LGR6: variants seen among roughly 807,000 people sequenced by gnomAD.
The protein encoded by LGR6 is leucine-rich repeat-containing G protein-coupled receptor 6.
In LGR6, 45 loss-of-function variants were observed where a neutral mutation model predicts 69.4. That is an observed-to-expected ratio of 0.65 (90% CI 0.51 to 0.83). The LOEUF (loss-of-function observed/expected upper bound fraction) is 0.83, where lower values mean the gene tolerates loss of function less well. Ranked by LOEUF, LGR6 falls within the 40% of genes least tolerant of loss-of-function variation. The pLI, the probability that LGR6 is intolerant of heterozygous loss-of-function variation, is 0.00. For synonymous variants in LGR6, 538 were observed against 555.0 expected, an observed-to-expected ratio of 0.97 and a Z score of 0.43; for missense variants, 1,108 against 1,246.7, an observed-to-expected ratio of 0.89 and a Z score of 1.68.
In LGR6 at chr1:202,267,935, G is replaced by A. The variant is rs139601374; in HGVS notation, c.429-8371G>A. 4.3e-3 allele frequency among the ~76,000 whole-genome samples: 649 copies of A among 152,306 alleles called. 5 individuals are homozygous for A. The highest frequency in any genetic ancestry group is 0.013 in the African/African-American group (527 of 41,566). On this transcript the variant is annotated intron_variant, in intron 4 of 17. Transcript: ENST00000367278. ...TAATGAGAGGCATTTCAGGCAGTCT[G>A]ATAGGTAGTGAGGGAGGGATGTGGG...
intron 6 of LGR6, among the ~76,000 whole-genome samples, chr1:202,284,587 G>T (rs1020663348): frequency 2.0e-5 from 3 of 152,190 alleles, no homozygotes; most frequent in African/African-American, 4.8e-5. Context: ...AGAGCATGGT[G>T]AAGAACATTT....
chr1:202,296,647 C>T (rs1435372589), intron 6 of LGR6, among the ~76,000 whole-genome samples: 1 of 152,172 alleles, frequency 6.6e-6, no homozygotes, highest in Non-Finnish European at 1.5e-5. Context: ...ACAAAAGGCA[C>T]GGACACAGAA....
At chr1:202,233,764 G>C (rs1330834049) in intron 3 of LGR6, among the ~76,000 whole-genome samples, 1 of 152,172 alleles carries the variant, frequency 6.6e-6, no homozygotes, top group African/African-American at 2.4e-5. Context: ...TATTGAACTT[G>C]TCCTCTGTGT....
intron 5 of LGR6, 41 bp downstream of exon 5, chr1:202,276,562 T>C: frequency 6.8e-7 from 1 of 1,470,424 alleles, no homozygotes; most frequent in Admixed American, 1.9e-5. Context: ...GGGGTCCTGC[T>C]GGGGGCTGGG....
intron 1 of LGR6, among the ~76,000 whole-genome samples, chr1:202,199,666 C>A (rs1305203960): frequency 6.6e-6 from 1 of 151,860 alleles, no homozygotes; most frequent in East Asian, 2.0e-4. Flanking sequence ...CCACGCCCCC[C>A]GGGGGAGAGA....
At chr1:202,247,852 A>T (rs545158925) in intron 4 of LGR6, among the ~76,000 whole-genome samples, 6 of 152,306 alleles carry the variant, frequency 3.9e-5, no homozygotes, top group African/African-American at 4.8e-5. Context: ...CTCAGGCTGC[A>T]GCCAGGAAGA....
rs764536115 is a variant in LGR6, at chr1:202,306,717, TTTAA to T, written c.1137-148_1137-145del. 1.9e-5 allele frequency: 14 copies of T among 747,512 alleles called. No individual in the cohort carries two copies. In the East Asian group the frequency reaches 3.7e-4, roughly 20 times the overall value. The allele number at this position is 747,512 out of a possible 1,614,324, so 46.3% of individuals were successfully genotyped here. A position where few individuals can be genotyped will look rare whatever the true frequency, so the allele number is the denominator to read the frequency against. ...GGCAACCGGATCCCCTTGTGCTCCC[TTTAA>T]TTCTGGTGACTTCCTCGGGCTGGGC... On this transcript the variant is annotated intron_variant, in intron 12 of 17. Transcript: ENST00000367278.
intron 1 of LGR6, among the ~76,000 whole-genome samples, chr1:202,221,286 G>C (rs1186211478): frequency 6.6e-6 from 1 of 152,050 alleles, no homozygotes; most frequent in Non-Finnish European, 1.5e-5. Context: ...GCTGCTCTCT[G>C]ACCCCTCCAT....
At chr1:202,306,450 A>G (rs1160544811) in intron 12 of LGR6, among the ~76,000 whole-genome samples, 1 of 152,094 alleles carries the variant, frequency 6.6e-6, no homozygotes, top group Non-Finnish European at 1.5e-5. Context: ...TGCATGGCTG[A>G]GGCCCAGGGT....
intron 4 of LGR6, among the ~76,000 whole-genome samples, chr1:202,259,229 C>G (rs141453172): frequency 6.6e-6 from 1 of 152,158 alleles, no homozygotes; most frequent in East Asian, 1.9e-4. Context: ...AGCTTGTTTT[C>G]TGTGCTCTCT....
At position 202,314,792 on chromosome 1, in the gene LGR6, C is replaced by G. The variant is rs747411499; in HGVS notation, c.1568-10C>G. On this transcript the variant is annotated splice_polypyrimidine_tract_variant and intron_variant, in intron 16 of 17. Transcript: ENST00000367278. ...CCCAGGACCCTGCATCACTTTGTCT[C>G]TCCTTTCAGATGACCAGGACCTGGA... 1.2e-6 allele frequency: 2 copies of G among 1,611,052 alleles called. No homozygotes were observed. The highest frequency in any genetic ancestry group is 2.7e-5 in the African/African-American group (2 of 74,822).
In LGR6 at chr1:202,208,713, C is replaced by G. The variant is rs545288910; in HGVS notation, c.212+14512C>G. Among the ~76,000 whole-genome samples, 975 of 152,126 alleles carry G rather than the reference C, an allele frequency of 6.4e-3. 8 individuals carry two copies. The highest frequency in any genetic ancestry group is 0.021 in the African/African-American group (885 of 41,502). ...ATGCAGAAGCCCAGGGTGCCACCTCCCCCTCTGCCTGCCCTGCCTCCACCT... is the reference window on the plus strand; with the variant it reads ...ATGCAGAAGCCCAGGGTGCCACCTCGCCCTCTGCCTGCCCTGCCTCCACCT... On this transcript the variant is annotated intron_variant, in intron 1 of 17. Coordinates refer to ENST00000367278, the MANE Select transcript of LGR6 (RefSeq NM_001017403.2).
chr1:202,258,198 T>C (rs1386811240), intron 4 of LGR6, among the ~76,000 whole-genome samples: 1 of 152,104 alleles, frequency 6.6e-6, no homozygotes, highest in Non-Finnish European at 1.5e-5. Context: ...TTACTAGATA[T>C]AATAATTTCT....
intron 1 of LGR6, among the ~76,000 whole-genome samples, chr1:202,198,906 C>T (rs1303773598): frequency 6.6e-6 from 1 of 152,050 alleles, no homozygotes; most frequent in Non-Finnish European, 1.5e-5. Flanking sequence ...TCATTTCTCA[C>T]TTCCAAGGCC....
At chr1:202,241,855 C>T (rs192986091) in intron 4 of LGR6, among the ~76,000 whole-genome samples, 4 of 152,056 alleles carry the variant, frequency 2.6e-5, no homozygotes, top group South Asian at 2.1e-4. Context: ...ATGCATAATG[C>T]GAAGGACAGC....
chr1:202,239,398 A>G (rs1661970871), intron 4 of LGR6, among the ~76,000 whole-genome samples: 3 of 140,794 alleles, frequency 2.1e-5, no homozygotes, highest in African/African-American at 2.7e-5. Flanking sequence ...GTGTTGGGGG[A>G]CTGGTGGGAA....
chr1:202,197,375 G>T, intron 1 of LGR6: 1 of 532,278 alleles, frequency 1.9e-6, no homozygotes, highest in Non-Finnish European at 3.9e-6. Flanking sequence ...ATCAAGGTTG[G>T]GAAGACGGAC....
chr1:202,258,591 T>C (rs1663975120), intron 4 of LGR6, among the ~76,000 whole-genome samples: 1 of 152,014 alleles, frequency 6.6e-6, no homozygotes, highest in Non-Finnish European at 1.5e-5. Flanking sequence ...CTTTGGTGGC[T>C]ATTGCTAATG....
chr1:202,297,451 A>G, intron 6 of LGR6, 57 bp from the exon 7 acceptor site: 7 of 1,416,128 alleles, frequency 4.9e-6, no homozygotes, highest in Non-Finnish European at 6.9e-6. Flanking sequence ...TTTCTCAGGG[A>G]CCCTGACATG....
Sources: gnomAD v4.1 joint callset for allele counts (sites outside exome capture counted in the v4.1 genomes callset) on GRCh38, gnomAD v4.1.1 for gene constraint, MANE v1.5 for transcripts, NCBI Gene and HGNC (gene_info 2026-07-23, HGNC 2026-07-21) for gene names.